The following FUT8 variants were observed in gnomAD, a reference collection of about 807,000 sequenced individuals.
FUT8 encodes the protein fucosyltransferase 8, also known as alpha-(1,6)-fucosyltransferase.
In FUT8, 29 loss-of-function variants were observed where a neutral mutation model predicts 71.3. The ratio of observed to expected loss-of-function variants is 0.41; its 90% CI spans 0.30 to 0.55. The LOEUF is 0.55. FUT8 is among the 20% of genes least tolerant of loss of function. FUT8 has a pLI of 0.34. For synonymous variants in FUT8, 254 were observed against 239.3 expected, an observed-to-expected ratio of 1.06 and a Z score of -0.57; for missense variants, 544 against 702.1, an observed-to-expected ratio of 0.77 and a Z score of 2.55.
At position 65,688,516 on chromosome 14, in the gene FUT8, A is replaced by G. The variant is rs573505475; in HGVS notation, c.835+19036A>G. On this transcript the variant is annotated intron_variant, in intron 7 of 10. Coordinates refer to ENST00000673929, the MANE Select transcript of FUT8 (RefSeq NM_001371533.1). Reference sequence around the variant, plus strand: ...GTTGGTGCTGGAACTGGACATCCACATGCCAAAAAAAAAAAAAAAAAAAAA... The same window carrying G: ...GTTGGTGCTGGAACTGGACATCCACGTGCCAAAAAAAAAAAAAAAAAAAAA... Among the ~76,000 whole-genome samples, 3 of 127,734 alleles carry G rather than the reference A, an allele frequency of 2.3e-5. No individual in the cohort carries two copies. In the South Asian group the frequency reaches 8.8e-4, roughly 37 times the overall value. The allele number at this position is 127,734 out of a possible 152,430, so 83.8% of individuals were successfully genotyped here. A position where few individuals can be genotyped will look rare whatever the true frequency, so the allele number is the denominator to read the frequency against.
At chr14:65,386,454 C>T in the FUT8 span, among the ~76,000 whole-genome samples, 5 of 136,374 alleles carry the variant, frequency 3.7e-5, no homozygotes, top group Non-Finnish European at 7.6e-5. Context: ...CAGTTAGCTG[C>T]GATTGCGCCA....
intron 2 of FUT8, among the ~76,000 whole-genome samples, chr14:65,511,629 CT>C (rs1882352965): frequency 6.6e-6 from 1 of 152,134 alleles, no homozygotes; most frequent in Admixed American, 6.5e-5. Context: ...GAACTGACCT[CT>C]TTATTATTAT....
the FUT8 span, among the ~76,000 whole-genome samples, chr14:65,358,476 T>G: frequency 3.9e-5 from 6 of 152,150 alleles, no homozygotes. Flanking sequence ...ACATTATTAT[T>G]ATTATTATCA....
At chr14:65,677,560 T>G (rs1227657804) in intron 7 of FUT8, among the ~76,000 whole-genome samples, 1 of 152,222 alleles carries the variant, frequency 6.6e-6, no homozygotes, top group Non-Finnish European at 1.5e-5. Flanking sequence ...GTTATCATTT[T>G]TGTTCAGATT....
At chr14:65,487,190 G>A (rs1392939483) in intron 2 of FUT8, among the ~76,000 whole-genome samples, 1 of 152,194 alleles carries the variant, frequency 6.6e-6, no homozygotes, top group African/African-American at 2.4e-5. Context: ...AGTTTGAGGA[G>A]TAGTTAGTCA....
the FUT8 span, among the ~76,000 whole-genome samples, chr14:65,402,290 C>G: frequency 6.8e-6 from 1 of 146,152 alleles, no homozygotes; most frequent in Non-Finnish European, 1.5e-5. Flanking sequence ...GCAGCCTCAA[C>G]CTTGGGCTCA....
intron 6 of FUT8, among the ~76,000 whole-genome samples, chr14:65,662,710 T>C (rs1442723460): frequency 2.0e-5 from 3 of 152,224 alleles, no homozygotes; most frequent in African/African-American, 7.2e-5. Flanking sequence ...TTTAGCCTCA[T>C]AGTAGCTCTG....
chr14:65,689,706 T>C (rs953231815), intron 7 of FUT8, among the ~76,000 whole-genome samples: 6 of 152,126 alleles, frequency 3.9e-5, no homozygotes, highest in Non-Finnish European at 7.4e-5. Context: ...GCCTGGCTAA[T>C]TGTTGTATTT....
chr14:65,512,423 C>G (rs540830958), intron 2 of FUT8, among the ~76,000 whole-genome samples: 1 of 152,274 alleles, frequency 6.6e-6, no homozygotes, highest in Middle Eastern at 3.4e-3. Context: ...CCTTGGCCTC[C>G]CAAAGTGCTG....
chr14:65,474,515 C>G (rs1258301371), intron 2 of FUT8, among the ~76,000 whole-genome samples: 2 of 149,272 alleles, frequency 1.3e-5, no homozygotes, highest in African/African-American at 2.5e-5. Context: ...GGGCGAATCG[C>G]TTGAACCTGG....
chr14:65,415,572 A>G (rs1232281717), intron 1 of FUT8, among the ~76,000 whole-genome samples: 2 of 152,162 alleles, frequency 1.3e-5, no homozygotes, highest in Non-Finnish European at 2.9e-5. Flanking sequence ...TTGTTTTTAT[A>G]ATAGCTACAA....
intron 6 of FUT8, among the ~76,000 whole-genome samples, chr14:65,644,209 A>C (rs907807994): frequency 6.6e-6 from 1 of 152,144 alleles, no homozygotes; most frequent in Admixed American, 6.5e-5. Context: ...CCTGAAACCT[A>C]TTCAACTTCT....
In FUT8 at chr14:65,561,326, T is replaced by C; in HGVS notation, c.-227-11T>C. The C allele has an allele frequency of 2.1e-6, 1 of 482,912 alleles. No homozygotes were observed. The highest frequency in any genetic ancestry group is 3.6e-5 in the South Asian group (1 of 27,800). 29.9% of individuals were successfully genotyped at this position (482,912 alleles called of 1,614,324 possible). On this transcript the variant is annotated splice_polypyrimidine_tract_variant and intron_variant, in intron 2 of 10. Transcript: ENST00000673929. ...TAAATAATTTAAATACATTTCTTACTCTTTCCACAGCATGTAGAGCGCATG... is the reference window on the plus strand; with the variant it reads ...TAAATAATTTAAATACATTTCTTACCCTTTCCACAGCATGTAGAGCGCATG...
At chr14:65,432,476 T>G (rs1051004623) in intron 1 of FUT8, among the ~76,000 whole-genome samples, 4 of 152,064 alleles carry the variant, frequency 2.6e-5, no homozygotes, top group African/African-American at 9.7e-5. Flanking sequence ...CCCCGTCAGA[T>G]TCATTCGCTT....
At chr14:65,677,153 CGCGCGCGCAT>C (rs113056385) in intron 7 of FUT8, among the ~76,000 whole-genome samples, 10 of 64,768 alleles carry the variant, frequency 1.5e-4, no homozygotes, top group African/African-American at 5.9e-4. Flanking sequence ...TGTGTGTGTG[CGCGCGCGCAT>C]GCGCGCGCAC....
At chr14:65,377,697 A>C in the FUT8 span, among the ~76,000 whole-genome samples, 1 of 151,182 alleles carries the variant, frequency 6.6e-6, no homozygotes, top group Non-Finnish European at 1.5e-5. Flanking sequence ...AGTAATTGTC[A>C]ACCTCGATCT....
chr14:65,655,645 G>C (rs1340956829), intron 6 of FUT8, among the ~76,000 whole-genome samples: 1 of 152,144 alleles, frequency 6.6e-6, no homozygotes, highest in Non-Finnish European at 1.5e-5. Context: ...CAAAATATAT[G>C]AAGCAGAAAC....
the FUT8 span, among the ~76,000 whole-genome samples, chr14:65,364,329 A>T: frequency 6.6e-6 from 1 of 151,956 alleles, no homozygotes; most frequent in African/African-American, 2.4e-5. Flanking sequence ...CTCGACTCCC[A>T]AGTAGCTGGG....
At chr14:65,437,093 T>C (rs2065573371) in intron 1 of FUT8, among the ~76,000 whole-genome samples, 1 of 152,212 alleles carries the variant, frequency 6.6e-6, no homozygotes, top group Non-Finnish European at 1.5e-5. Context: ...CAAAACAGGA[T>C]TGATAATCTC....
Sources: allele counts gnomAD v4.1 joint callset (sites outside exome capture counted in the v4.1 genomes callset), GRCh38; gene constraint gnomAD v4.1.1; transcripts MANE v1.5; gene names NCBI Gene and HGNC (gene_info 2026-07-23, HGNC 2026-07-21).